The following SDCCAG8 variants were observed in gnomAD, a reference collection of about 807,000 sequenced individuals.
SDCCAG8 encodes SHH signaling and ciliogenesis regulator SDCCAG8.
A neutral mutation model predicts 101.8 loss-of-function variants in SDCCAG8; 74 were observed. That is an observed-to-expected ratio of 0.73 (90% confidence interval 0.60 to 0.88). The LOEUF (loss-of-function observed/expected upper bound fraction) is 0.88. Ranked by LOEUF, SDCCAG8 falls within the 40% of genes least tolerant of loss-of-function variation. The pLI is 0.00. For missense variants in SDCCAG8, 787 were observed against 822.6 expected, an observed-to-expected ratio of 0.96 and a Z score of 0.53; for synonymous variants, 281 against 292.9, an observed-to-expected ratio of 0.96 and a Z score of 0.41.
chr1:243,304,090 A>C (rs1171062111), intron 6 of SDCCAG8, among the ~76,000 whole-genome samples: 1 of 152,010 alleles, frequency 6.6e-6, no homozygotes, highest in Non-Finnish European at 1.5e-5. Flanking sequence ...AAAAAGTTAT[A>C]CATGGATTTC....
At chr1:243,350,717 C>T (rs1402121357) in intron 12 of SDCCAG8, among the ~76,000 whole-genome samples, 1 of 152,190 alleles carries the variant, frequency 6.6e-6, no homozygotes, top group Non-Finnish European at 1.5e-5. Flanking sequence ...ACTACAGCAA[C>T]TACAAATCAC....
rs180910449 is a variant in SDCCAG8 at position 243,476,505 on chromosome 1, G to A, written c.1986-12509G>A. 447 of 368,012 alleles carry A rather than the reference G, an allele frequency of 1.2e-3. 1 individual carries two copies. The highest frequency in any genetic ancestry group is 1.6e-3 in the Admixed American group (25 of 15,548). The allele number at this position is 368,012 out of a possible 1,614,324, so 22.8% of individuals were successfully genotyped here. ...GGAAGACCTCACCACAGTGTGGAAC[G>A]TGACATACTCTGGGACCACACCAGG... On this transcript the variant is annotated intron_variant, in intron 16 of 17. Coordinates refer to ENST00000366541, the MANE Select transcript of SDCCAG8 (RefSeq NM_006642.5).
intron 16 of SDCCAG8, among the ~76,000 whole-genome samples, chr1:243,464,921 C>T (rs1005890668): frequency 1.3e-5 from 2 of 152,154 alleles, no homozygotes; most frequent in African/African-American, 4.8e-5. Flanking sequence ...GTTGTTTTTC[C>T]ATTCTAATGT....
chr1:243,433,458 G>A (rs2081935989), intron 16 of SDCCAG8, among the ~76,000 whole-genome samples: 1 of 152,034 alleles, frequency 6.6e-6, no homozygotes, highest in South Asian at 2.1e-4. Context: ...GCAGTGCAGA[G>A]TAGCCATGGC....
chr1:243,439,492 G>C (rs1574052912), intron 16 of SDCCAG8, among the ~76,000 whole-genome samples: 1 of 152,030 alleles, frequency 6.6e-6, no homozygotes, highest in Non-Finnish European at 1.5e-5. Context: ...AGGTGGGATG[G>C]TGGGTGCCTG....
At chr1:243,472,793 T>C (rs1661515575) in intron 16 of SDCCAG8, among the ~76,000 whole-genome samples, 1 of 152,234 alleles carries the variant, frequency 6.6e-6, no homozygotes, top group African/African-American at 2.4e-5. Context: ...CAAACTGTTA[T>C]TATTTTTATG....
At chr1:243,291,366 C>T (rs2070246466) in intron 5 of SDCCAG8, among the ~76,000 whole-genome samples, 1 of 152,114 alleles carries the variant, frequency 6.6e-6, no homozygotes, top group African/African-American at 2.4e-5. Flanking sequence ...AATTTTGAGC[C>T]AGTGTTTAAT....
intron 16 of SDCCAG8, chr1:243,476,212 G>A: frequency 1.0e-6 from 1 of 985,490 alleles, no homozygotes; most frequent in Non-Finnish European, 1.2e-6. Flanking sequence ...AGCAGATGGG[G>A]TTCTTTGACA....
At chr1:243,359,326 A>C (rs1453449456) in intron 12 of SDCCAG8, among the ~76,000 whole-genome samples, 2 of 152,206 alleles carry the variant, frequency 1.3e-5, no homozygotes, top group Non-Finnish European at 2.9e-5. Flanking sequence ...TGCCATTTGC[A>C]CTATAGTCAT....
chr1:243,323,050 G>A (rs2073887709), intron 9 of SDCCAG8, among the ~76,000 whole-genome samples: 2 of 151,632 alleles, frequency 1.3e-5, no homozygotes, highest in African/African-American at 2.4e-5. Context: ...CAGGAGAATT[G>A]CTTGAACCCG....
At position 243,344,218 on chromosome 1, in the gene SDCCAG8, T is replaced by C. The variant is rs1179852986; in HGVS notation, c.1360T>C (p.Cys454Arg). ...ASREMDVTKV[C>R]GEMRYQLNKT... ...CCAGTTTTTTACAATCTAACAGGTG[T>C]GTGGAGAAATGCGCTATCAGCTGAA... is the stretch of plus-strand genomic sequence containing the variant. The change falls in exon 12 of 18, where the codon TGT (cysteine) becomes CGT (arginine). Residue 454 changes from cysteine to arginine, a missense_variant. Physicochemically the swap from Cys to Arg is radical, Grantham distance 180. Transcript: ENST00000366541. 1 of 1,612,874 alleles carries C rather than the reference T, an allele frequency of 6.2e-7. No homozygotes were observed. Among genetic ancestry groups the C allele is most frequent in the Admixed American group, 1.7e-5 (1 of 60,002 alleles).
At chr1:243,382,557 G>C (rs1371933285) in intron 13 of SDCCAG8, among the ~76,000 whole-genome samples, 2 of 152,196 alleles carry the variant, frequency 1.3e-5, no homozygotes, top group Non-Finnish European at 2.9e-5. Flanking sequence ...GGTCCTCAAA[G>C]CCTAAAATAT....
At chr1:243,392,128 A>G (rs1227135124) in intron 13 of SDCCAG8, among the ~76,000 whole-genome samples, 1 of 152,264 alleles carries the variant, frequency 6.6e-6, no homozygotes, top group African/African-American at 2.4e-5. Flanking sequence ...ATGCAAAATC[A>G]TTTTAACTCA....
chr1:243,354,626 C>T (rs1248118019), intron 12 of SDCCAG8, among the ~76,000 whole-genome samples: 1 of 152,162 alleles, frequency 6.6e-6, no homozygotes, highest in Non-Finnish European at 1.5e-5. Flanking sequence ...GCCAGAGTTT[C>T]TTAGGTGTGT....
At chr1:243,489,513 T>C (rs541397787) in intron 17 of SDCCAG8, among the ~76,000 whole-genome samples, 7 of 152,232 alleles carry the variant, frequency 4.6e-5, no homozygotes, top group African/African-American at 1.7e-4. Flanking sequence ...CTGAAGGTCG[T>C]GTATGGTTTG....
chr1:243,374,916 T>C (rs2077509626), intron 12 of SDCCAG8, among the ~76,000 whole-genome samples: 1 of 152,114 alleles, frequency 6.6e-6, no homozygotes, highest in Non-Finnish European at 1.5e-5. Context: ...TTAACAGATA[T>C]GTTTGAATAT....
At chr1:243,296,529 A>G (rs1207744766) in intron 6 of SDCCAG8, among the ~76,000 whole-genome samples, 5 of 89,184 alleles carry the variant, frequency 5.6e-5, no homozygotes, top group South Asian at 3.6e-4. Context: ...GTCCACCCCA[A>G]CTGCTCTTTT....
At chr1:243,464,961 G>A (rs1339071686) in intron 16 of SDCCAG8, among the ~76,000 whole-genome samples, 1 of 152,226 alleles carries the variant, frequency 6.6e-6, no homozygotes, top group Non-Finnish European at 1.5e-5. Flanking sequence ...ACTGGACAAA[G>A]ATACAGCATT....
chr1:243,489,264 G>C, intron 17 of SDCCAG8, 124 bp downstream of exon 17: 1 of 1,317,514 alleles, frequency 7.6e-7, no homozygotes, highest in African/African-American at 1.5e-5. Flanking sequence ...CTGGGAGGGA[G>C]GTCCCGAAGA....
Sources: gnomAD v4.1 joint callset for allele counts (sites outside exome capture counted in the v4.1 genomes callset) on GRCh38, gnomAD v4.1.1 for gene constraint, MANE v1.5 for transcripts, NCBI Gene and HGNC (gene_info 2026-07-23, HGNC 2026-07-21) for gene names.